Variants in IMMP2L observed in about 807,000 individuals in gnomAD.
IMMP2L encodes the protein inner mitochondrial membrane peptidase subunit 2.
Under a neutral mutation model 19.3 loss-of-function variants are expected in IMMP2L, and 18 were observed. The ratio of observed to expected loss-of-function variants is 0.93; its 90% CI spans 0.64 to 1.38. The LOEUF (loss-of-function observed/expected upper bound fraction) is 1.38. Ranked by LOEUF, IMMP2L falls within the 40% of genes most tolerant of loss-of-function variation. The pLI is 0.00. For synonymous variants in IMMP2L, 76 were observed against 73.0 expected (o/e 1.04, Z -0.21); for missense variants, 233 against 218.2 (o/e 1.07, Z -0.43).
rs536538097 is a variant in IMMP2L, at chr7:110,730,704, T to A, written c.409-66983A>T. ...CACGCCCAGCTAATTTTTTTGTATT[T>A]TCAGTAGAGACGGGGTTTCACCGTT... is the stretch of plus-strand genomic sequence containing the variant. On this transcript the variant is annotated intron_variant, in intron 5 of 5. Coordinates refer to ENST00000405709, the MANE Select transcript of IMMP2L (RefSeq NM_032549.4). Among the ~76,000 whole-genome samples, 14 of 152,178 alleles carry A rather than the reference T, an allele frequency of 9.2e-5. No homozygotes were observed. In the East Asian group the frequency reaches 2.5e-3, roughly 27 times the overall value.
In IMMP2L at chr7:111,124,641, GAAT is replaced by G. The variant is rs757609619; in HGVS notation, c.240-161079_240-161077del. 9 of 1,613,792 alleles carry G rather than the reference GAAT, an allele frequency of 5.6e-6. No individual in the cohort carries two copies. In the East Asian group the frequency reaches 1.8e-4, roughly 32 times the overall value. On this transcript the variant is annotated intron_variant, in intron 3 of 5. Coordinates refer to ENST00000405709, the MANE Select transcript of IMMP2L (RefSeq NM_032549.4). ...ACCCTGATCAAAAAGAGTATGAAAA[GAAT>G]AATACCACAACACTTATGGCCTGTC...
chr7:110,681,046 T>C (rs1229994091), intron 5 of IMMP2L, among the ~76,000 whole-genome samples: 1 of 149,250 alleles, frequency 6.7e-6, no homozygotes, highest in African/African-American at 2.5e-5. Flanking sequence ...CTAAAATTAG[T>C]AAGGATTAAA....
intron 4 of IMMP2L, among the ~76,000 whole-genome samples, chr7:110,908,636 T>C (rs994799736): frequency 6.6e-6 from 1 of 152,238 alleles, no homozygotes; most frequent in Non-Finnish European, 1.5e-5. Context: ...ACATCAATTT[T>C]TGACTAAACA....
intron 4 of IMMP2L, among the ~76,000 whole-genome samples, chr7:110,940,308 G>C (rs1816597808): frequency 1.6e-5 from 2 of 128,084 alleles, no homozygotes; most frequent in African/African-American, 2.8e-5. Context: ...AACAGAGCTA[G>C]ACTCCATCTC....
intron 1 of IMMP2L, among the ~76,000 whole-genome samples, chr7:111,537,141 T>C (rs936801753): frequency 5.9e-5 from 9 of 152,160 alleles, no homozygotes; most frequent in African/African-American, 2.2e-4. Flanking sequence ...ATAGTATCTA[T>C]ATAGATATTG....
At chr7:111,279,716 C>G (rs188240824) in intron 3 of IMMP2L, among the ~76,000 whole-genome samples, 9 of 152,162 alleles carry the variant, frequency 5.9e-5, no homozygotes, top group Non-Finnish European at 5.9e-5. Flanking sequence ...ATATTATAAC[C>G]TCTTTTGCTT....
At chr7:110,663,872 T>C (rs1205353543) in intron 5 of IMMP2L, 151 bp from the exon 6 acceptor site, 6 of 527,418 alleles carry the variant, frequency 1.1e-5, no homozygotes, top group Non-Finnish European at 1.9e-5. Flanking sequence ...TTTGTAGCCA[T>C]TGAAATACAA....
chr7:111,301,269 T>C (rs138493024), intron 3 of IMMP2L, among the ~76,000 whole-genome samples: 2 of 152,284 alleles, frequency 1.3e-5, no homozygotes, highest in East Asian at 1.9e-4. Context: ...TCTTCTTGTC[T>C]TTTGTTCATT....
chr7:111,360,125 G>C (rs80346788), intron 3 of IMMP2L, among the ~76,000 whole-genome samples: 1 of 115,688 alleles, frequency 8.6e-6, no homozygotes, highest in African/African-American at 5.3e-5. Flanking sequence ...GCCATAATGT[G>C]ATTACAATTT....
chr7:110,793,927 G>T (rs1800661903), intron 5 of IMMP2L, among the ~76,000 whole-genome samples: 1 of 152,062 alleles, frequency 6.6e-6, no homozygotes, highest in South Asian at 2.1e-4. Flanking sequence ...AACATGATAT[G>T]TCATCAGGGA....
At chr7:110,987,979 GA>G (rs1177893260) in intron 3 of IMMP2L, among the ~76,000 whole-genome samples, 1 of 152,130 alleles carries the variant, frequency 6.6e-6, no homozygotes, top group East Asian at 1.9e-4. Context: ...CAGTGAAAGA[GA>G]GAATGTTAGA....
At chr7:110,687,953 T>C (rs1425267871) in intron 5 of IMMP2L, among the ~76,000 whole-genome samples, 2 of 151,988 alleles carry the variant, frequency 1.3e-5, no homozygotes, top group Non-Finnish European at 2.9e-5. Context: ...CTTTTGCTCT[T>C]TGGCTCTTGG....
chr7:111,556,787 A>G (rs1284974180), intron 1 of IMMP2L, among the ~76,000 whole-genome samples: 2 of 151,982 alleles, frequency 1.3e-5, no homozygotes, highest in East Asian at 3.9e-4. Flanking sequence ...ATCCGTATCT[A>G]TGGATACTTC....
At chr7:110,773,313 A>G (rs1003563283) in intron 5 of IMMP2L, among the ~76,000 whole-genome samples, 7 of 152,188 alleles carry the variant, frequency 4.6e-5, no homozygotes, top group African/African-American at 4.8e-5. Context: ...TCAAGCAAAG[A>G]GCACTAAATT....
intron 3 of IMMP2L, among the ~76,000 whole-genome samples, chr7:111,480,059 G>T (rs934504165): frequency 6.6e-6 from 1 of 150,660 alleles, no homozygotes; most frequent in Non-Finnish European, 1.5e-5. Context: ...ATAAATTGCT[G>T]TTAAGGACTG....
Position 111,372,220 on chromosome 7 carries a change from G to A in IMMP2L, c.239+115018C>T, listed in dbSNP as rs117474785. On this transcript the variant is annotated intron_variant, in intron 3 of 5. Coordinates refer to ENST00000405709, the MANE Select transcript of IMMP2L (RefSeq NM_032549.4). ...TGTGATTATTATACATTGCATACCC[G>A]TATCAAAACATCTCATGTATCCCAT... Among the ~76,000 whole-genome samples the A allele has an allele frequency of 8.4e-3, 1,274 of 151,646 alleles. 8 individuals are homozygous for A. The highest frequency in any genetic ancestry group is 0.015 in the Non-Finnish European group (1,015 of 67,906).
At chr7:111,172,964 T>C (rs538413990) in intron 3 of IMMP2L, among the ~76,000 whole-genome samples, 1 of 151,648 alleles carries the variant, frequency 6.6e-6, no homozygotes, top group African/African-American at 2.4e-5. Context: ...ATTTTCTGTA[T>C]GGCAAAGAGA....
intron 1 of IMMP2L, among the ~76,000 whole-genome samples, chr7:111,554,347 C>T (rs1268311976): frequency 6.6e-6 from 1 of 152,040 alleles, no homozygotes; most frequent in Non-Finnish European, 1.5e-5. Flanking sequence ...ACAAAAATAT[C>T]TTGCAATAAA....
At chr7:111,077,921 G>T (rs1362340327) in intron 3 of IMMP2L, among the ~76,000 whole-genome samples, 1 of 152,036 alleles carries the variant, frequency 6.6e-6, no homozygotes, top group Admixed American at 6.6e-5. Flanking sequence ...CTTTGCCTTT[G>T]TTTCTTGGCC....
Sources: allele counts gnomAD v4.1 joint callset (sites outside exome capture counted in the v4.1 genomes callset), GRCh38; gene constraint gnomAD v4.1.1; transcripts MANE v1.5; gene names NCBI Gene and HGNC (gene_info 2026-07-23, HGNC 2026-07-21).